The following HK3 variants were observed in gnomAD, a reference collection of about 807,000 sequenced individuals.
HK3 encodes hexokinase-3.
HK3 carries 93 observed loss-of-function variants against 91.0 expected under a neutral mutation model. That is an observed-to-expected ratio of 1.02 (90% CI 0.86 to 1.21). The LOEUF is 1.21. HK3 is among the 50% of genes most tolerant of loss of function. The probability of loss-of-function intolerance (pLI) is 0.00; values close to 1 mark genes in which losing one functional copy is unlikely to be tolerated. For synonymous variants in HK3, 519 were observed against 516.9 expected (o/e 1.00, Z -0.06); for missense variants, 1,235 against 1,247.4 (o/e 0.99, Z 0.15).
Position 176,887,568 on chromosome 5 carries a change from C to G in HK3, c.1483G>C (p.Asp495His). Reference sequence around the variant, plus strand: ...TGTGCCTGAACCGCAGCCAGTTGATCATGGTTCAACCGGAATGGGGCCAGG... The same window carrying G: ...TGTGCCTGAACCGCAGCCAGTTGATGATGGTTCAACCGGAATGGGGCCAGG... ...ETLAPFRLNHDQLAAVQAQMR... is the reference protein window; with the variant it reads ...ETLAPFRLNHHQLAAVQAQMR... Residue 495 changes from aspartate (D) to histidine (H), a missense_variant, in exon 11 of 19, where the codon GAT (aspartate) becomes CAT (histidine). By Grantham distance (81) the Asp-to-His change is moderately conservative (BLOSUM62 -1). Coordinates refer to ENST00000292432, the MANE Select transcript of HK3 (RefSeq NM_002115.3). This position sits in a 1 kb window ranked among gnomAD's most constrained non-coding sequence, Gnocchi z 4.9. 6.2e-7 allele frequency: 1 copy of G among 1,613,902 alleles called. No homozygotes were observed. Among genetic ancestry groups the G allele is most frequent in the Non-Finnish European group, 8.5e-7 (1 of 1,180,014 alleles).
rs566847484 is a variant in HK3, at chr5:176,898,845, C to T, written c.-27+422G>A. Among the ~76,000 whole-genome samples the T allele has an allele frequency of 3.3e-5, 5 of 152,326 alleles. No homozygotes were observed. The South Asian group carries it at 1.0e-3, about 32-fold the overall frequency. The stretch of plus-strand genomic sequence containing the variant: ...GTTGGGAGCTGCCATCGAGAACCAG[C>T]TGGCAGGCTGGGTGTGGTGGCTTGC... On this transcript the variant is annotated intron_variant, in intron 1 of 18. Transcript: ENST00000292432.
chr5:176,883,815 A>G lies in HK3; in HGVS notation c.2008T>C (p.Ser670Pro). Residue 670 changes from serine (S) to proline (P), a missense_variant, in exon 15 of 19, where the codon TCC becomes CCC. Ser to Pro is a moderately conservative substitution (Grantham distance 74). Transcript: ENST00000292432. ...CAACGGGGGTCCTCATAGCCACAGGACATCATGGTCCCCACCGTGTCATTG... is the reference window on the plus strand; with the variant it reads ...CAACGGGGGTCCTCATAGCCACAGGGCATCATGGTCCCCACCGTGTCATTG... ...IVNDTVGTMMSCGYEDPRCEI... is the reference protein window; with the variant it reads ...IVNDTVGTMMPCGYEDPRCEI... 1 of 1,614,106 alleles carries G rather than the reference A, an allele frequency of 6.2e-7. No homozygotes were observed. Among genetic ancestry groups the G allele is most frequent in the Non-Finnish European group, 8.5e-7 (1 of 1,180,016 alleles).
intron 15 of HK3, 150 bp downstream of exon 15, chr5:176,883,620 G>A (rs1348258486): frequency 1.8e-5 from 11 of 628,298 alleles, no homozygotes; most frequent in Non-Finnish European, 3.1e-5. Context: ...GCTCCAAACT[G>A]CCAGCCCAAG....
chr5:176,890,556 C>T (rs1234390956), intron 6 of HK3, 79 bp downstream of exon 6: 2 of 1,229,642 alleles, frequency 1.6e-6, no homozygotes, highest in African/African-American at 1.5e-5. Flanking sequence ...GCAACTCTCT[C>T]AGAAGCCCAG....
At chr5:176,897,702 TC>T (rs1758940397) in intron 1 of HK3, among the ~76,000 whole-genome samples, 1 of 152,206 alleles carries the variant, frequency 6.6e-6, no homozygotes, top group African/African-American at 2.4e-5. Context: ...TTCCTGAGTC[TC>T]TCGTAGTCTT....
chr5:176,887,799 C>T lies in HK3; in HGVS notation c.1305-53G>A, dbSNP rs903352187. ...TTGGCCCTGGACCCCCAGACACACA[C>T]AGGTGTGCACGGCTTGGCCCTGGAC... On this transcript the variant is annotated intron_variant, in intron 10 of 18. Coordinates refer to ENST00000292432, the MANE Select transcript of HK3 (RefSeq NM_002115.3). The surrounding 1 kb of genome is among the most constrained non-coding windows in gnomAD (Gnocchi z 4.9). The T allele has an allele frequency of 6.4e-7, 1 of 1,550,452 alleles. No homozygotes were observed. Among genetic ancestry groups the T allele is most frequent in the Non-Finnish European group, 8.8e-7 (1 of 1,142,266 alleles).
Position 176,884,508 on chromosome 5 carries a change from A to G in HK3, c.1858-374T>C, listed in dbSNP as rs937153807. Among the ~76,000 whole-genome samples the G allele has an allele frequency of 1.6e-4, 25 of 152,224 alleles. No homozygotes were observed. Among genetic ancestry groups the G allele is most frequent in the Non-Finnish European group, 4.4e-5 (3 of 68,044 alleles). ...ACAGGGGAGGACAGAGAAGGCTCAG[A>G]GGCCCAGATGACAGCAGATCCCACC... On this transcript the variant is annotated intron_variant, in intron 13 of 18. Coordinates refer to ENST00000292432, the MANE Select transcript of HK3 (RefSeq NM_002115.3). This position sits in a 1 kb window ranked among gnomAD's most constrained non-coding sequence, Gnocchi z 4.1.
At chr5:176,897,412 T>C (rs975512349) in intron 1 of HK3, among the ~76,000 whole-genome samples, 1 of 152,132 alleles carries the variant, frequency 6.6e-6, no homozygotes, top group Admixed American at 6.5e-5. Flanking sequence ...AAGAGACATC[T>C]GTCCACTGAG....
intron 14 of HK3, 37 bp from the exon 15 acceptor site, chr5:176,883,906 G>A (rs773955084): frequency 2.6e-5 from 41 of 1,603,870 alleles, no homozygotes; most frequent in Middle Eastern, 1.6e-4. Context: ...GCTGGGCAAC[G>A]CGGTCGTCAC....
In HK3 at chr5:176,887,650, C is replaced by T. The variant is rs138320716; in HGVS notation, c.1401G>A (p.Ala467=). The change falls in exon 11 of 19, where the codon GCG becomes GCA. Residue 467 remains alanine, a synonymous_variant. Coordinates refer to ENST00000292432, the MANE Select transcript of HK3 (RefSeq NM_002115.3). This position sits in a 1 kb window ranked among gnomAD's most constrained non-coding sequence, Gnocchi z 4.9. ...PSVDGGGRGV[A]MVTAVAARLA... The stretch of plus-strand genomic sequence containing the variant: ...GACGGGCAGCCACGGCAGTCACCAT[C>T]GCCACTCCCCGGCCACCACCATCCA... 2.3e-5 allele frequency: 37 copies of T among 1,613,606 alleles called. No homozygotes were observed. In the African/African-American group the frequency reaches 3.5e-4, roughly 15 times the overall value.
In HK3 at chr5:176,889,460, C is replaced by T. The variant is rs143604141; in HGVS notation, c.835G>A (p.Asp279Asn). 9.7e-4 allele frequency: 1,571 copies of T among 1,614,210 alleles called. 11 individuals carry two copies. Among genetic ancestry groups the T allele is most frequent in the South Asian group, 9.0e-3 (816 of 91,086 alleles). Residue 279 changes from aspartate to asparagine, a missense_variant, in exon 8 of 19, where the codon GAT becomes AAT. Coordinates refer to ENST00000292432, the MANE Select transcript of HK3 (RefSeq NM_002115.3). ...AGCACTGGTCCCAGCGCCCCATCATCGCTGAAGGAGCCCCACTCGACGCTG... is the reference window on the plus strand; with the variant it reads ...AGCACTGGTCCCAGCGCCCCATCATTGCTGAAGGAGCCCCACTCGACGCTG... ...CVSVEWGSFS[D>N]DGALGPVLTT...
chr5:176,891,939 CAA>C (rs750014306), intron 2 of HK3, among the ~76,000 whole-genome samples: 5 of 152,198 alleles, frequency 3.3e-5, no homozygotes, highest in Non-Finnish European at 5.9e-5. Context: ...AGAGAATAAA[CAA>C]ATGCACGAAC....
intron 2 of HK3, 118 bp from the exon 3 acceptor site, chr5:176,891,668 C>T: frequency 9.8e-7 from 1 of 1,024,938 alleles, no homozygotes; most frequent in Non-Finnish European, 1.4e-6. Context: ...TTCATACACC[C>T]TGACTCTCTT....
chr5:176,889,565 C>A lies in HK3; in HGVS notation c.731-1G>T. On this transcript the variant is annotated splice_acceptor_variant, in intron 7 of 18. Transcript: ENST00000292432. LOFTEE classifies it high-confidence loss of function. Reference sequence around the variant, plus strand: ...ATGTAACACGCGTTGGTGCCCGTGTCTGGCAGAGACAACCCTGTCAAGGCC... The same window carrying A: ...ATGTAACACGCGTTGGTGCCCGTGTATGGCAGAGACAACCCTGTCAAGGCC... 6.2e-7 allele frequency: 1 copy of A among 1,614,142 alleles called. No homozygotes were observed. The highest frequency in any genetic ancestry group is 8.5e-7 in the Non-Finnish European group (1 of 1,179,956).
At position 176,889,675 on chromosome 5, in the gene HK3, C is replaced by A. The variant is rs777300098; in HGVS notation, c.700G>T (p.Val234Phe). 1.2e-5 allele frequency: 20 copies of A among 1,613,978 alleles called. No homozygotes were observed. The East Asian group carries it at 1.6e-4, about 13-fold the overall frequency. Residue 234 changes from valine (V) to phenylalanine (F), a missense_variant, in exon 7 of 19, where the codon GTC (valine) becomes TTC (phenylalanine). Around this residue, in one of 3 missense-constraint regions of HK3, gnomAD observed 717 missense variants for 751.6 expected, o/e 0.95. Transcript: ENST00000292432. ...ACTAGCCCAACCTCACACGGCCTGA[C>A]CCCCGGCTCACAGCCCATCATGGTG... ...VGTMMGCEPG[V>F]RPCEVGLVVD...
Position 176,881,803 on chromosome 5 carries a change from C to T in HK3, c.2282G>A (p.Arg761His), listed in dbSNP as rs143713331. 105 of 1,614,122 alleles carry T rather than the reference C, an allele frequency of 6.5e-5. No individual in the cohort carries two copies. In the East Asian group the frequency reaches 1.2e-3, roughly 18 times the overall value. ...ISGMYLGEIVRHILLHLTSLG... is the reference protein window; with the variant it reads ...ISGMYLGEIVHHILLHLTSLG... ...GCTGGTTAAATGTAAAAGGATGTGG[C>T]GGACGATCTCCCCCAGGTACATGCC... Residue 761 changes from arginine (R) to histidine (H), a missense_variant, in exon 17 of 19, where the codon CGC (arginine) becomes CAC (histidine). Arg to His is a conservative substitution (Grantham distance 29). Around this residue, in one of 3 missense-constraint regions of HK3, gnomAD observed 513 missense variants for 477.4 expected, o/e 1.07. Coordinates refer to ENST00000292432, the MANE Select transcript of HK3 (RefSeq NM_002115.3).
chr5:176,896,027 A>G (rs1320712443), intron 2 of HK3, 37 bp downstream of exon 2: 1 of 1,563,268 alleles, frequency 6.4e-7, no homozygotes, highest in Non-Finnish European at 8.8e-7. Flanking sequence ...TGAAGGCCTT[A>G]GACAAGCATG....
Position 176,888,318 on chromosome 5 carries a change from C to T in HK3, c.1304+14G>A, listed in dbSNP as rs1489973488. 19 of 1,545,988 alleles carry T rather than the reference C, an allele frequency of 1.2e-5. No individual in the cohort carries two copies. Among genetic ancestry groups the T allele is most frequent in the Non-Finnish European group, 1.5e-5 (17 of 1,141,622 alleles). Reference sequence around the variant, plus strand: ...TCATGCCAACTAATCATGCGGATCACGTTTCCACAATACCTGGGGTGCCGC... The same window carrying T: ...TCATGCCAACTAATCATGCGGATCATGTTTCCACAATACCTGGGGTGCCGC... On this transcript the variant is annotated intron_variant, in intron 10 of 18. Coordinates refer to ENST00000292432, the MANE Select transcript of HK3 (RefSeq NM_002115.3).
intron 2 of HK3, 120 bp from the exon 3 acceptor site, chr5:176,891,670 G>T: frequency 1.0e-6 from 1 of 1,002,022 alleles, no homozygotes; most frequent in Non-Finnish European, 1.4e-6. Flanking sequence ...CATACACCCT[G>T]ACTCTCTTGC....
Sources: allele counts gnomAD v4.1 joint callset (sites outside exome capture counted in the v4.1 genomes callset), GRCh38; gene constraint gnomAD v4.1.1; regional missense constraint gnomAD v4.1.1; non-coding constraint Gnocchi (gnomAD v3.1); transcripts MANE v1.5; gene names NCBI Gene and HGNC (gene_info 2026-07-23, HGNC 2026-07-21).